The following ARHGAP10 variants were observed in gnomAD, a reference collection of about 807,000 sequenced individuals.
ARHGAP10 encodes the protein rho GTPase-activating protein 10.
ARHGAP10 carries 87 observed loss-of-function variants against 108.6 expected under a neutral mutation model. The ratio of observed to expected loss-of-function variants is 0.80; its 90% CI spans 0.67 to 0.96. The LOEUF (loss-of-function observed/expected upper bound fraction) is 0.96, where lower values mean the gene tolerates loss of function less well. Among genes scored for constraint, ARHGAP10 ranks in the 40% least tolerant of loss-of-function variants. The pLI is 0.00. For synonymous variants in ARHGAP10, 347 were observed against 341.1 expected (o/e 1.02, Z -0.19); for missense variants, 939 against 954.5 (o/e 0.98, Z 0.21).
At chr4:147,911,993 ACGTGTGTGTGTG>A (rs1216899111) in intron 12 of ARHGAP10, among the ~76,000 whole-genome samples, 9 of 108,694 alleles carry the variant, frequency 8.3e-5, no homozygotes, top group East Asian at 7.8e-4. Context: ...AAGAACATTC[ACGTGTGTGTGTG>A]TGTGTGTGTG....
intron 1 of ARHGAP10, among the ~76,000 whole-genome samples, chr4:147,798,759 CTCTCTCTCTCTCTCTCTCTCTCTATATA>C (rs1365536864): frequency 1.7e-3 from 76 of 44,062 alleles, no homozygotes; most frequent in South Asian, 3.6e-3. Flanking sequence ...CTCTCTCTCT[CTCTCTCTCTCTCTCTCTCTCTCTATATA>C]TATATATATA....
intron 18 of ARHGAP10, among the ~76,000 whole-genome samples, chr4:148,019,278 G>A (rs923596821): frequency 3.9e-5 from 6 of 152,138 alleles, no homozygotes; most frequent in African/African-American, 1.4e-4. Flanking sequence ...ATTCATTTTT[G>A]TAATTATTTG....
intron 10 of ARHGAP10, among the ~76,000 whole-genome samples, chr4:147,894,430 G>T (rs1478226869): frequency 1.3e-5 from 2 of 152,096 alleles, no homozygotes; most frequent in Non-Finnish European, 2.9e-5. Context: ...TTACTCAATT[G>T]TAGGAATTAT....
chr4:147,952,544 A>G (rs988048201), intron 15 of ARHGAP10, among the ~76,000 whole-genome samples: 2 of 152,018 alleles, frequency 1.3e-5, no homozygotes, highest in African/African-American at 4.8e-5. Flanking sequence ...CTTATTTTCC[A>G]TTTATATATT....
At position 148,040,577 on chromosome 4, in the gene ARHGAP10, G is replaced by A. The variant is rs139816471; in HGVS notation, c.1868-6315G>A. On this transcript the variant is annotated intron_variant, in intron 19 of 22. Coordinates refer to ENST00000336498, the MANE Select transcript of ARHGAP10 (RefSeq NM_024605.4). ...GGCTGGTCTCAAACTCCTGGCCTCA[G>A]GTGATCCACCTGCCTCGGCCTCCCA... is the stretch of plus-strand genomic sequence containing the variant. Among the ~76,000 whole-genome samples, 877 of 152,082 alleles carry A rather than the reference G, an allele frequency of 5.8e-3. 11 individuals are homozygous for A. Among genetic ancestry groups the A allele is most frequent in the African/African-American group, 0.017 (718 of 41,510 alleles).
intron 1 of ARHGAP10, among the ~76,000 whole-genome samples, chr4:147,776,224 G>GA (rs954249113): frequency 2.5e-4 from 38 of 151,510 alleles, no homozygotes; most frequent in South Asian, 1.3e-3. Context: ...ATGAATGATG[G>GA]AAAAAAAAAT....
chr4:147,889,052 A>G (rs762588407), intron 10 of ARHGAP10, among the ~76,000 whole-genome samples: 1 of 152,224 alleles, frequency 6.6e-6, no homozygotes, highest in Non-Finnish European at 1.5e-5. Flanking sequence ...AATGCTTTAT[A>G]CATGGTGGAC....
intron 1 of ARHGAP10, among the ~76,000 whole-genome samples, chr4:147,764,298 T>A (rs1347029292): frequency 6.6e-6 from 1 of 151,920 alleles, no homozygotes; most frequent in African/African-American, 2.4e-5. Flanking sequence ...GATTTCATAT[T>A]TTTAGACTTG....
intron 20 of ARHGAP10, among the ~76,000 whole-genome samples, chr4:148,054,623 C>G (rs1021005693): frequency 4.6e-5 from 7 of 152,188 alleles, no homozygotes; most frequent in Non-Finnish European, 1.0e-4. Flanking sequence ...TTGTTTTTAG[C>G]AGTTACTGTA....
At chr4:147,953,625 GTTGT>G (rs1019326173) in intron 15 of ARHGAP10, among the ~76,000 whole-genome samples, 2 of 63,454 alleles carry the variant, frequency 3.2e-5, no homozygotes, top group African/African-American at 5.9e-5. Flanking sequence ...CATTCCTGGT[GTTGT>G]TTGTTTTCTC....
intron 7 of ARHGAP10, among the ~76,000 whole-genome samples, chr4:147,874,258 T>G (rs1734967439): frequency 6.6e-6 from 1 of 152,170 alleles, no homozygotes; most frequent in South Asian, 2.1e-4. Flanking sequence ...ATACAATTAT[T>G]TTTGAGCCTG....
At chr4:147,765,342 G>T (rs866065422) in intron 1 of ARHGAP10, among the ~76,000 whole-genome samples, 6 of 148,362 alleles carry the variant, frequency 4.0e-5, no homozygotes, top group Admixed American at 6.7e-5. Context: ...GTGTGTGGGG[G>T]GGGGGGTGTG....
At chr4:148,043,576 C>A (rs1221813629) in intron 19 of ARHGAP10, among the ~76,000 whole-genome samples, 1 of 121,330 alleles carries the variant, frequency 8.2e-6, no homozygotes, top group Non-Finnish European at 1.7e-5. Flanking sequence ...CCTAGAAGTC[C>A]GAGACCAAGC....
chr4:148,034,379 G>A (rs780254136), intron 19 of ARHGAP10, among the ~76,000 whole-genome samples: 2 of 152,034 alleles, frequency 1.3e-5, no homozygotes, highest in African/African-American at 4.8e-5. Context: ...GTGCGATGGC[G>A]CGATCTTGGC....
intron 1 of ARHGAP10, among the ~76,000 whole-genome samples, chr4:147,769,843 G>A (rs1730000089): frequency 6.6e-6 from 1 of 152,124 alleles, no homozygotes; most frequent in South Asian, 2.1e-4. Context: ...ATTAAGACAT[G>A]TGTTGAGGGA....
chr4:148,025,290 C>T (rs534042665), intron 19 of ARHGAP10, among the ~76,000 whole-genome samples: 1 of 151,962 alleles, frequency 6.6e-6, no homozygotes, highest in East Asian at 1.9e-4. Context: ...TCATTATTTG[C>T]ATGATGTTTT....
intron 1 of ARHGAP10, among the ~76,000 whole-genome samples, chr4:147,759,896 C>G (rs1212262704): frequency 1.3e-5 from 2 of 152,078 alleles, no homozygotes; most frequent in Non-Finnish European, 2.9e-5. Flanking sequence ...TTACAGGAGC[C>G]TGCCACCATG....
At chr4:147,740,384 C>T (rs934946609) in intron 1 of ARHGAP10, among the ~76,000 whole-genome samples, 2 of 152,128 alleles carry the variant, frequency 1.3e-5, no homozygotes, top group African/African-American at 4.8e-5. Context: ...ACTCCAAAAC[C>T]CTGAACCACA....
chr4:147,768,250 C>G (rs1217413011), intron 1 of ARHGAP10, among the ~76,000 whole-genome samples: 2 of 152,138 alleles, frequency 1.3e-5, no homozygotes, highest in Admixed American at 6.5e-5. Context: ...TTCCTGCTCC[C>G]CACTACTATT....
Sources: gnomAD v4.1 joint callset for allele counts (sites outside exome capture counted in the v4.1 genomes callset) on GRCh38, gnomAD v4.1.1 for gene constraint, MANE v1.5 for transcripts, NCBI Gene and HGNC (gene_info 2026-07-23, HGNC 2026-07-21) for gene names.